Variants in PCYT1A observed in about 807,000 individuals in gnomAD.
PCYT1A encodes phosphate cytidylyltransferase 1A, choline, also known as choline-phosphate cytidylyltransferase A.
A neutral mutation model predicts 43.7 loss-of-function variants in PCYT1A; 25 were observed. That is an observed-to-expected ratio of 0.57 (90% CI 0.42 to 0.80). The LOEUF is 0.80. Among genes scored for constraint, PCYT1A ranks in the 30% least tolerant of loss-of-function variants. PCYT1A has a pLI of 0.00. For missense variants in PCYT1A, 421 were observed against 474.2 expected, an observed-to-expected ratio of 0.89 and a Z score of 1.04; for synonymous variants, 172 against 170.7, an observed-to-expected ratio of 1.01 and a Z score of -0.06.
At chr3:196,286,643 G>T (rs1439744950) in intron 1 of PCYT1A, among the ~76,000 whole-genome samples, 3 of 152,116 alleles carry the variant, frequency 2.0e-5, no homozygotes, top group Non-Finnish European at 4.4e-5. Context: ...GGCCAGGCGC[G>T]GTGGCTCACA....
chr3:196,251,951 C>G (rs918104635), intron 3 of PCYT1A, among the ~76,000 whole-genome samples: 1 of 152,178 alleles, frequency 6.6e-6, no homozygotes, highest in African/African-American at 2.4e-5. Context: ...GCTCTGTCAC[C>G]CTGGCTGGAG....
intron 3 of PCYT1A, among the ~76,000 whole-genome samples, chr3:196,256,736 C>T (rs1043205152): frequency 6.6e-6 from 1 of 152,040 alleles, no homozygotes; most frequent in Non-Finnish European, 1.5e-5. Context: ...GAAGGGGTTT[C>T]ACCATGTTAA....
intron 1 of PCYT1A, 87 bp from the exon 2 acceptor site, chr3:196,270,628 C>T: frequency 1.2e-6 from 1 of 858,702 alleles, no homozygotes. Flanking sequence ...GACGTGGATA[C>T]ACTCAGCAAA....
At chr3:196,248,909 A>C (rs552065981) in intron 3 of PCYT1A, among the ~76,000 whole-genome samples, 2 of 151,578 alleles carry the variant, frequency 1.3e-5, no homozygotes, top group African/African-American at 4.8e-5. Flanking sequence ...GGCGCCCACC[A>C]CCAAGCCCAG....
intron 1 of PCYT1A, chr3:196,283,328 A>C (rs1327392363): frequency 6.6e-6 from 1 of 152,134 alleles, no homozygotes; most frequent in Non-Finnish European, 1.5e-5. Context: ...GGTCTCAAAA[A>C]ATAAATAAAT....
At chr3:196,274,015 G>C (rs528547235) in intron 1 of PCYT1A, among the ~76,000 whole-genome samples, 18 of 152,376 alleles carry the variant, frequency 1.2e-4, no homozygotes, top group African/African-American at 3.1e-4. Context: ...CTCCTGTGCT[G>C]CTGGACACCC....
intron 2 of PCYT1A, among the ~76,000 whole-genome samples, chr3:196,258,210 C>T (rs772035717): frequency 3.4e-5 from 5 of 149,068 alleles, no homozygotes; most frequent in African/African-American, 4.9e-5. Flanking sequence ...CGCTTGAACC[C>T]GGGAGGCAGA....
intron 2 of PCYT1A, among the ~76,000 whole-genome samples, 199 bp downstream of exon 2, chr3:196,270,215 AC>A (rs1190713690): frequency 6.6e-6 from 1 of 152,056 alleles, no homozygotes; most frequent in African/African-American, 2.4e-5. Context: ...TTTTCCTAAC[AC>A]TTCTTTTTCT....
chr3:196,243,804 G>A (rs929908384), intron 5 of PCYT1A, among the ~76,000 whole-genome samples: 30 of 152,294 alleles, frequency 2.0e-4, no homozygotes, highest in Admixed American at 1.1e-3. Context: ...CCGAGGTGCC[G>A]GGATTGCAGA....
chr3:196,241,389 T>A, intron 7 of PCYT1A: 1 of 462,934 alleles, frequency 2.2e-6, no homozygotes, highest in Non-Finnish European at 3.7e-6. Context: ...TCTCGCTATG[T>A]TGCCCCCAGA....
Position 196,252,405 on chromosome 3 carries a change from G to A in PCYT1A, c.218-4082C>T, listed in dbSNP as rs1228812666. Among the ~76,000 whole-genome samples, 1 of 152,076 alleles carries A rather than the reference G, an allele frequency of 6.6e-6. No individual in the cohort carries two copies. Among genetic ancestry groups the A allele is most frequent in the Non-Finnish European group, 1.5e-5 (1 of 68,014 alleles). On this transcript the variant is annotated intron_variant, in intron 3 of 8. Coordinates refer to ENST00000431016, the MANE Select transcript of PCYT1A (RefSeq NM_001312673.2). This position sits in a 1 kb window ranked among gnomAD's most constrained non-coding sequence, Gnocchi z 4.0. Reference sequence around the variant, plus strand: ...TGGGATTACAGGCGAAAGCCACCAAGCCGGGATAATTTTTGTATTTTTATA... The same window carrying A: ...TGGGATTACAGGCGAAAGCCACCAAACCGGGATAATTTTTGTATTTTTATA...
chr3:196,257,045 AG>A, intron 3 of PCYT1A, among the ~76,000 whole-genome samples: 2 of 152,310 alleles, frequency 1.3e-5, no homozygotes, highest in Middle Eastern at 6.8e-3. Flanking sequence ...AATCAGAAGA[AG>A]TGAAAAAGGA....
rs1157763363 is a variant in PCYT1A at position 196,248,280 on chromosome 3, T to A, written c.261A>T (p.Leu87Phe). Residue 87 changes from leucine (L) to phenylalanine (F), a missense_variant, in exon 4 of 9, where the codon TTA (leucine) becomes TTT (phenylalanine). Leu to Phe is a conservative substitution (Grantham distance 22). Around this residue, in one of 3 missense-constraint regions of PCYT1A, gnomAD observed 139 missense variants for 117.7 expected, o/e 1.18. Transcript: ENST00000431016. ...GAGCTCGGGCGTGACCAGAGTGAAA[T>A]AAGTCAAATATTCCATCGGCATAAA... is the stretch of plus-strand genomic sequence containing the variant. ...VRVYADGIFDLFHSGHARALM... is the reference protein window; with the variant it reads ...VRVYADGIFDFFHSGHARALM... The A allele has an allele frequency of 2.5e-6, 4 of 1,613,344 alleles. No individual in the cohort carries two copies. The highest frequency in any genetic ancestry group is 8.5e-7 in the Non-Finnish European group (1 of 1,179,282).
intron 1 of PCYT1A, among the ~76,000 whole-genome samples, chr3:196,284,271 C>T (rs1725845290): frequency 6.6e-6 from 1 of 152,116 alleles, no homozygotes; most frequent in African/African-American, 2.4e-5. Context: ...AAAACTAATT[C>T]TCATCAGCAC....
Position 196,245,860 on chromosome 3 carries a change from C to T in PCYT1A, c.486+1507G>A, listed in dbSNP as rs371220501. 6.6e-5 allele frequency among the ~76,000 whole-genome samples: 10 copies of T among 150,888 alleles called. No individual in the cohort carries two copies. In the East Asian group the frequency reaches 1.6e-3, roughly 24 times the overall value. Reference sequence around the variant, plus strand: ...CAGCTACTCGGGAGGCTGAGGCAGGCGAATCACTTGAACCCGGGAGGCGGA... The same window carrying T: ...CAGCTACTCGGGAGGCTGAGGCAGGTGAATCACTTGAACCCGGGAGGCGGA... On this transcript the variant is annotated intron_variant, in intron 5 of 8. Coordinates refer to ENST00000431016, the MANE Select transcript of PCYT1A (RefSeq NM_001312673.2).
In PCYT1A at chr3:196,238,888, T is replaced by C; in HGVS notation, c.904A>G (p.Met302Val). 1.4e-6 allele frequency: 2 copies of C among 1,433,046 alleles called. No homozygotes were observed. Among genetic ancestry groups the C allele is most frequent in the Non-Finnish European group, 1.8e-6 (2 of 1,091,756 alleles). 88.8% of individuals were successfully genotyped at this position (1,433,046 alleles called of 1,614,324 possible). ...ATCCGGCCCTTCCCCTCTTTCAGCA[T>C]ATGTTTCTGCAGAAACCGAAAGGAA... Reference protein sequence around the residue: ...MFGPEGALKHMLKEGKGRMLQ... With the variant: ...MFGPEGALKHVLKEGKGRMLQ... The change falls in exon 9 of 9, where the codon ATG (methionine) becomes GTG (valine). Residue 302 changes from methionine to valine, a missense_variant. Transcript: ENST00000431016.
chr3:196,248,215 A>G lies in PCYT1A; in HGVS notation c.326T>C (p.Ile109Thr). The change falls in exon 4 of 9, where the codon ATT (isoleucine) becomes ACT (threonine). Residue 109 changes from isoleucine (I) to threonine (T), a missense_variant. By Grantham distance (89) the Ile-to-Thr change is moderately conservative (BLOSUM62 -1). Transcript: ENST00000431016. ...ACCAAATGTTTTCTTACCTCCCACA[A>G]TGAGGTACGTATTAGGGAAAAGGTT... ...AKNLFPNTYL[I>T]VGVCSDELTH... 6.4e-7 allele frequency: 1 copy of G among 1,572,526 alleles called. No individual in the cohort carries two copies. Among genetic ancestry groups the G allele is most frequent in the Non-Finnish European group, 8.8e-7 (1 of 1,141,924 alleles).
chr3:196,252,857 ATC>A lies in PCYT1A; in HGVS notation c.218-4536_218-4535del, dbSNP rs958207285. Among the ~76,000 whole-genome samples the A allele has an allele frequency of 1.1e-4, 17 of 152,058 alleles. No individual in the cohort carries two copies. Among genetic ancestry groups the A allele is most frequent in the South Asian group, 4.2e-4 (2 of 4,812 alleles). On this transcript the variant is annotated intron_variant, in intron 3 of 8. Transcript: ENST00000431016. The surrounding 1 kb of genome is among the most constrained non-coding windows in gnomAD (Gnocchi z 4.0). ...AGCCTGGGCAACACAGTGAAACCCT[ATC>A]TCTATTAAAATTATTTTTTACTGCC... is the stretch of plus-strand genomic sequence containing the variant.
At chr3:196,274,781 G>A (rs1725540433) in intron 1 of PCYT1A, among the ~76,000 whole-genome samples, 1 of 152,170 alleles carries the variant, frequency 6.6e-6, no homozygotes. Flanking sequence ...CTAATTCTTA[G>A]AAGCTGAAGG....
Sources: allele counts gnomAD v4.1 joint callset (sites outside exome capture counted in the v4.1 genomes callset), GRCh38; gene constraint gnomAD v4.1.1; regional missense constraint gnomAD v4.1.1; non-coding constraint Gnocchi (gnomAD v3.1); transcripts MANE v1.5; gene names NCBI Gene and HGNC (gene_info 2026-07-23, HGNC 2026-07-21).